The following PLCB1 variants were observed in gnomAD, a reference collection of about 807,000 sequenced individuals.
The protein encoded by PLCB1 is phospholipase C beta 1.
Under a neutral mutation model 161.8 loss-of-function variants are expected in PLCB1, and 46 were observed. That is an observed-to-expected ratio of 0.28 (90% CI 0.22 to 0.36). The LOEUF is 0.36. Among genes scored for constraint, PLCB1 ranks in the 10% least tolerant of loss-of-function variants. The pLI is 1.00. For missense variants in PLCB1, 1,016 were observed against 1,472.5 expected (o/e 0.69, Z 5.07); for synonymous variants, 517 against 503.7 (o/e 1.03, Z -0.35).
intron 10 of PLCB1, among the ~76,000 whole-genome samples, chr20:8,693,879 A>G (rs1990532269): frequency 6.6e-6 from 1 of 152,206 alleles, no homozygotes; most frequent in East Asian, 1.9e-4. Context: ...GGGCAGTATT[A>G]TGAATTACTC....
At chr20:8,161,169 T>C (rs1344579455) in intron 2 of PLCB1, among the ~76,000 whole-genome samples, 3 of 152,030 alleles carry the variant, frequency 2.0e-5, no homozygotes, top group Non-Finnish European at 2.9e-5. Flanking sequence ...TTTATACATA[T>C]ATTTATATAG....
At chr20:8,197,121 A>G (rs1433384672) in intron 2 of PLCB1, among the ~76,000 whole-genome samples, 1 of 152,166 alleles carries the variant, frequency 6.6e-6, no homozygotes, top group African/African-American at 2.4e-5. Flanking sequence ...TAGTGCCGCA[A>G]TAAACATAAG....
At chr20:8,468,696 A>G (rs926090900) in intron 3 of PLCB1, among the ~76,000 whole-genome samples, 7 of 152,178 alleles carry the variant, frequency 4.6e-5, no homozygotes, top group African/African-American at 1.7e-4. Context: ...TTAGTTATCT[A>G]TTTGTGACTT....
chr20:8,237,096 T>G lies in PLCB1; in HGVS notation c.177+86725T>G, dbSNP rs190945699. 2.7e-3 allele frequency among the ~76,000 whole-genome samples: 405 copies of G among 152,158 alleles called. 1 individual carries two copies. The highest frequency in any genetic ancestry group is 9.1e-3 in the African/African-American group (377 of 41,540). ...GCATGAAAGTCCTCAAGCCCTTTAA[T>G]TCAAAAATTTTATTTTTAATGTATT... On this transcript the variant is annotated intron_variant, in intron 2 of 31. Transcript: ENST00000338037.
intron 19 of PLCB1, among the ~76,000 whole-genome samples, chr20:8,733,813 TAATAATA>T (rs1980419770): frequency 9.0e-6 from 1 of 111,250 alleles, no homozygotes; most frequent in African/African-American, 2.9e-5. Flanking sequence ...ATAATAATAA[TAATAATA>T]ATAATAAAAG....
chr20:8,492,846 A>G (rs1983000798), intron 3 of PLCB1, among the ~76,000 whole-genome samples: 1 of 95,236 alleles, frequency 1.1e-5, no homozygotes, highest in African/African-American at 5.3e-5. Flanking sequence ...TTATATATAT[A>G]TATGTGTGTG....
intron 3 of PLCB1, among the ~76,000 whole-genome samples, chr20:8,406,318 A>C (rs1200469961): frequency 6.6e-6 from 1 of 152,244 alleles, no homozygotes; most frequent in African/African-American, 2.4e-5. Flanking sequence ...AAATTTATTC[A>C]ACTTACTAGT....
intron 9 of PLCB1, among the ~76,000 whole-genome samples, chr20:8,675,174 G>A (rs1002747206): frequency 5.9e-5 from 9 of 152,076 alleles, no homozygotes; most frequent in Non-Finnish European, 1.3e-4. Flanking sequence ...TCAAAGGTCA[G>A]CTTGACTCAA....
chr20:8,881,506 T>C (rs146887249), intron 31 of PLCB1, 116 bp from the exon 32 acceptor site: 11 of 724,262 alleles, frequency 1.5e-5, no homozygotes, highest in African/African-American at 1.4e-4. Context: ...GTGAATGATA[T>C]TTTAAGTTAA....
intron 3 of PLCB1, among the ~76,000 whole-genome samples, chr20:8,498,355 A>G (rs2122801082): frequency 6.6e-6 from 1 of 152,320 alleles, no homozygotes; most frequent in South Asian, 2.1e-4. Flanking sequence ...TCGGCCTCCC[A>G]AAGTTCTGGG....
intron 2 of PLCB1, among the ~76,000 whole-genome samples, chr20:8,363,067 C>A (rs898565537): frequency 6.6e-6 from 1 of 152,060 alleles, no homozygotes; most frequent in Non-Finnish European, 1.5e-5. Context: ...GACAGCATTG[C>A]AGTCATTTTT....
At chr20:8,861,005 T>C (rs1051328895) in intron 31 of PLCB1, among the ~76,000 whole-genome samples, 2 of 152,182 alleles carry the variant, frequency 1.3e-5, no homozygotes, top group Admixed American at 6.5e-5. Flanking sequence ...AAGAAGTTGG[T>C]TACTGATTTA....
At chr20:8,389,630 G>A (rs904355137) in intron 3 of PLCB1, among the ~76,000 whole-genome samples, 1 of 152,146 alleles carries the variant, frequency 6.6e-6, no homozygotes, top group Non-Finnish European at 1.5e-5. Context: ...TTGCATTTGG[G>A]AAACATTTCT....
In PLCB1 at chr20:8,884,715, G is replaced by A. The variant is rs1988113371; in HGVS notation, c.*2866G>A. The stretch of plus-strand genomic sequence containing the variant: ...GCCTTTTAAGAAGAAAAAAAAGATA[G>A]GACAAAGTATTTGAAGCTCTTAAAA... On this transcript the variant is annotated 3_prime_UTR_variant, in exon 32 of 32. Coordinates refer to ENST00000338037, the MANE Select transcript of PLCB1 (RefSeq NM_015192.4). The A allele has an allele frequency of 6.6e-6, 1 of 152,530 alleles. No homozygotes were observed. Among genetic ancestry groups the A allele is most frequent in the Admixed American group, 6.6e-5 (1 of 15,250 alleles). 9.4% of individuals were successfully genotyped at this position (152,530 alleles called of 1,614,324 possible). A position where few individuals can be genotyped will look rare whatever the true frequency, so the allele number is the denominator to read the frequency against.
intron 3 of PLCB1, among the ~76,000 whole-genome samples, chr20:8,510,977 TA>T (rs1440128585): frequency 2.0e-5 from 3 of 152,222 alleles, no homozygotes; most frequent in African/African-American, 7.2e-5. Context: ...CCTCACACAC[TA>T]ATCATTATTT....
chr20:8,523,496 C>CTCTCTCTCTCTATATATATATG, intron 3 of PLCB1, among the ~76,000 whole-genome samples: 1 of 51,630 alleles, frequency 1.9e-5, no homozygotes. Flanking sequence ...CTCTCTCTCT[C>CTCTCTCTCTCTATATATATATG]TATATATATA....
At chr20:8,781,397 AACACACACACACACACACAAACACACAC>A (rs1257001456) in intron 27 of PLCB1, among the ~76,000 whole-genome samples, 12 of 149,540 alleles carry the variant, frequency 8.0e-5, no homozygotes, top group South Asian at 2.1e-4. Flanking sequence ...CACACACACA[AACACACACACACACACACAAACACACAC>A]ACACACACAC....
intron 31 of PLCB1, among the ~76,000 whole-genome samples, chr20:8,852,023 TACA>T (rs1371462434): frequency 6.6e-6 from 1 of 152,192 alleles, no homozygotes. Context: ...TACAGCTATC[TACA>T]ACAACAAAAA....
intron 3 of PLCB1, among the ~76,000 whole-genome samples, chr20:8,609,809 C>G (rs1987854187): frequency 6.6e-6 from 1 of 152,120 alleles, no homozygotes. Flanking sequence ...GCCACCATGG[C>G]CAGCTTCATA....
Sources: allele counts gnomAD v4.1 joint callset (sites outside exome capture counted in the v4.1 genomes callset), GRCh38; gene constraint gnomAD v4.1.1; transcripts MANE v1.5; gene names NCBI Gene and HGNC (gene_info 2026-07-23, HGNC 2026-07-21).